GPM6A: variants seen among roughly 807,000 people sequenced by gnomAD.
GPM6A encodes glycoprotein M6A.
In GPM6A, 7 loss-of-function variants were observed where a neutral mutation model predicts 32.1. The ratio of observed to expected loss-of-function variants is 0.22; its 90% CI spans 0.12 to 0.41. GPM6A has a LOEUF of 0.41. Ranked by LOEUF, GPM6A falls within the 10% of genes least tolerant of loss-of-function variation. The probability of loss-of-function intolerance (pLI) is 1.00; values close to 1 mark genes in which losing one functional copy is unlikely to be tolerated. For synonymous variants in GPM6A, 130 were observed against 123.4 expected (o/e 1.05, Z -0.35); for missense variants, 235 against 347.2 (o/e 0.68, Z 2.57).
intron 1 of GPM6A, among the ~76,000 whole-genome samples, chr4:175,877,602 C>G (rs1049976872): frequency 6.6e-6 from 1 of 152,126 alleles, no homozygotes; most frequent in African/African-American, 2.4e-5. Flanking sequence ...CTCATTCACA[C>G]ATCAGAACAG....
At chr4:175,796,349 G>A (rs1007999023) in intron 1 of GPM6A, among the ~76,000 whole-genome samples, 6 of 152,162 alleles carry the variant, frequency 3.9e-5, no homozygotes, top group African/African-American at 1.4e-4. Flanking sequence ...TCTTAAAGAT[G>A]AATAAAAATC....
At chr4:175,693,577 T>C (rs1224664495) in intron 2 of GPM6A, among the ~76,000 whole-genome samples, 1 of 152,080 alleles carries the variant, frequency 6.6e-6, no homozygotes, top group Non-Finnish European at 1.5e-5. Flanking sequence ...TGTATTCTTT[T>C]TTGAAAAGAT....
intron 1 of GPM6A, among the ~76,000 whole-genome samples, chr4:175,876,011 T>C (rs1159474534): frequency 6.6e-6 from 1 of 152,228 alleles, no homozygotes; most frequent in Non-Finnish European, 1.5e-5. Flanking sequence ...GCACTGGTTT[T>C]ATTTCTAACC....
At chr4:175,914,522 C>T (rs1429381147) in intron 1 of GPM6A, among the ~76,000 whole-genome samples, 1 of 152,154 alleles carries the variant, frequency 6.6e-6, no homozygotes, top group East Asian at 1.9e-4. Flanking sequence ...AGGGTTTCAT[C>T]ATGTTGGCCT....
intron 1 of GPM6A, among the ~76,000 whole-genome samples, chr4:175,889,452 T>C (rs975714186): frequency 6.6e-6 from 1 of 151,170 alleles, no homozygotes; most frequent in Non-Finnish European, 1.5e-5. Context: ...TTGAGTTCAG[T>C]AGGTCACAAC....
chr4:175,772,484 A>G (rs989593458), intron 1 of GPM6A, among the ~76,000 whole-genome samples: 1 of 152,206 alleles, frequency 6.6e-6, no homozygotes, highest in African/African-American at 2.4e-5. Flanking sequence ...TCACAAATAG[A>G]TCACAGAAGA....
chr4:175,838,137 A>ACACACACACACG (rs1735830774), intron 1 of GPM6A, among the ~76,000 whole-genome samples: 1 of 142,952 alleles, frequency 7.0e-6, no homozygotes, highest in South Asian at 2.2e-4. Context: ...ACACACACAC[A>ACACACACACACG]CACGCACCCC....
At chr4:175,886,025 T>C (rs1737443058) in intron 1 of GPM6A, among the ~76,000 whole-genome samples, 1 of 151,914 alleles carries the variant, frequency 6.6e-6, no homozygotes, top group African/African-American at 2.4e-5. Flanking sequence ...GACATGGAGG[T>C]CAGAATAAAG....
At chr4:175,897,625 G>A (rs1015141736) in intron 1 of GPM6A, among the ~76,000 whole-genome samples, 3 of 152,128 alleles carry the variant, frequency 2.0e-5, no homozygotes, top group Non-Finnish European at 2.9e-5. Flanking sequence ...CTGTAAAAAC[G>A]TTAGAGACCC....
At chr4:175,848,833 AG>A (rs1392214092) in intron 1 of GPM6A, among the ~76,000 whole-genome samples, 1 of 152,186 alleles carries the variant, frequency 6.6e-6, no homozygotes, top group Admixed American at 6.6e-5. Context: ...GATGCCATAA[AG>A]CAAATGAGCT....
chr4:175,820,417 G>A (rs1018792524), intron 1 of GPM6A, among the ~76,000 whole-genome samples: 1 of 151,390 alleles, frequency 6.6e-6, no homozygotes, highest in Non-Finnish European at 1.5e-5. Context: ...GTGTGTGCAT[G>A]CATATGTGTG....
At chr4:175,948,323 A>C (rs1167817864) in intron 1 of GPM6A, among the ~76,000 whole-genome samples, 1 of 152,186 alleles carries the variant, frequency 6.6e-6, no homozygotes, top group East Asian at 1.9e-4. Context: ...TTCCATAAGA[A>C]AAGACATGAG....
At chr4:175,637,716 T>G (rs1190578410) in intron 6 of GPM6A, among the ~76,000 whole-genome samples, 3 of 62,950 alleles carry the variant, frequency 4.8e-5, no homozygotes, top group African/African-American at 2.0e-4. Context: ...TATATATATT[T>G]ATATATAATA....
At chr4:175,960,379 CT>C (rs1289043199) in intron 1 of GPM6A, among the ~76,000 whole-genome samples, 3 of 152,128 alleles carry the variant, frequency 2.0e-5, no homozygotes, top group African/African-American at 7.2e-5. Flanking sequence ...GGATAATCCC[CT>C]GATGAAGTAA....
At chr4:175,886,320 A>C (rs1283790766) in intron 1 of GPM6A, among the ~76,000 whole-genome samples, 1 of 152,228 alleles carries the variant, frequency 6.6e-6, no homozygotes, top group African/African-American at 2.4e-5. Context: ...AGACTTACAA[A>C]GCAGCAATGT....
At chr4:175,934,247 T>C (rs557900529) in intron 1 of GPM6A, among the ~76,000 whole-genome samples, 1 of 152,338 alleles carries the variant, frequency 6.6e-6, no homozygotes, top group Non-Finnish European at 1.5e-5. Context: ...TCGACTACTT[T>C]AAATGTTAAT....
intron 1 of GPM6A, among the ~76,000 whole-genome samples, chr4:175,856,031 T>C (rs1000881319): frequency 6.6e-6 from 1 of 152,148 alleles, no homozygotes; most frequent in African/African-American, 2.4e-5. Flanking sequence ...TGGGATGAGA[T>C]ATAAACAAGA....
At chr4:175,874,870 G>C (rs1737032919) in intron 1 of GPM6A, among the ~76,000 whole-genome samples, 2 of 152,218 alleles carry the variant, frequency 1.3e-5, no homozygotes, top group South Asian at 4.1e-4. Context: ...TGCAGAGAAG[G>C]AAAATATAAA....
At chr4:175,750,155 T>C (rs1732268284) in intron 1 of GPM6A, among the ~76,000 whole-genome samples, 2 of 152,012 alleles carry the variant, frequency 1.3e-5, no homozygotes, top group African/African-American at 4.8e-5. Flanking sequence ...GCCTCCCAGG[T>C]TCAACCGATT....
Sources: allele counts gnomAD v4.1 joint callset (sites outside exome capture counted in the v4.1 genomes callset), GRCh38; gene constraint gnomAD v4.1.1; transcripts MANE v1.5; gene names NCBI Gene and HGNC (gene_info 2026-07-23, HGNC 2026-07-21).